Variants in CCDC149 observed in about 807,000 individuals in gnomAD.
CCDC149 encodes the protein coiled-coil domain-containing protein 149.
A neutral mutation model predicts 59.9 loss-of-function variants in CCDC149; 45 were observed. The ratio of observed to expected loss-of-function variants is 0.75; its 90% CI spans 0.59 to 0.96. The LOEUF (loss-of-function observed/expected upper bound fraction) is 0.96. Among genes scored for constraint, CCDC149 ranks in the 40% least tolerant of loss-of-function variants. CCDC149 has a pLI of 0.00. For missense variants in CCDC149, 584 were observed against 664.7 expected, an observed-to-expected ratio of 0.88 and a Z score of 1.33; for synonymous variants, 245 against 260.6, an observed-to-expected ratio of 0.94 and a Z score of 0.58.
At chr4:24,820,569 T>C (rs1333640324) in intron 11 of CCDC149, among the ~76,000 whole-genome samples, 3 of 152,180 alleles carry the variant, frequency 2.0e-5, no homozygotes, top group South Asian at 2.1e-4. Context: ...TGTGTCTTAT[T>C]TCACCATTCA....
chr4:24,948,550 G>C (rs1723188043), intron 1 of CCDC149, among the ~76,000 whole-genome samples: 1 of 152,200 alleles, frequency 6.6e-6, no homozygotes, highest in Non-Finnish European at 1.5e-5. Context: ...TTAGCCAGCA[G>C]GAGGTGCCCA....
chr4:24,953,088 A>G (rs1450294505), intron 1 of CCDC149, among the ~76,000 whole-genome samples: 1 of 152,106 alleles, frequency 6.6e-6, no homozygotes, highest in African/African-American at 2.4e-5. Context: ...CAGTAACAGA[A>G]CTTGCCCCCC....
intron 1 of CCDC149, among the ~76,000 whole-genome samples, chr4:24,931,361 G>A (rs760950413): frequency 6.2e-5 from 9 of 145,128 alleles, no homozygotes; most frequent in Admixed American, 4.1e-4. Context: ...ATGCCACAGA[G>A]CAAAATTAAG....
chr4:24,813,946 G>A lies in CCDC149; in HGVS notation c.1193-5127C>T, dbSNP rs185267905. On this transcript the variant is annotated intron_variant, in intron 12 of 12. Transcript: ENST00000635206. The stretch of plus-strand genomic sequence containing the variant: ...AACAAACATCAGTATCAACAGGGAA[G>A]AGGACTGTGGGTTTCAGCTGAGTAA... Among the ~76,000 whole-genome samples, 427 of 152,338 alleles carry A rather than the reference G, an allele frequency of 2.8e-3. 1 individual carries two copies. The highest frequency in any genetic ancestry group is 5.1e-3 in the Non-Finnish European group (344 of 68,040).
At chr4:24,894,381 A>G (rs1299935213) in intron 1 of CCDC149, among the ~76,000 whole-genome samples, 2 of 152,158 alleles carry the variant, frequency 1.3e-5, no homozygotes, top group Non-Finnish European at 2.9e-5. Context: ...GAGGGTGAAG[A>G]GAGGCAGGTT....
At chr4:24,819,386 A>G (rs993446727) in intron 12 of CCDC149, among the ~76,000 whole-genome samples, 3 of 152,044 alleles carry the variant, frequency 2.0e-5, no homozygotes, top group Non-Finnish European at 4.4e-5. Flanking sequence ...TGGTGGCACA[A>G]TCTTGGCTCA....
At chr4:24,939,913 G>A (rs148499641) in intron 1 of CCDC149, among the ~76,000 whole-genome samples, 4 of 152,172 alleles carry the variant, frequency 2.6e-5, no homozygotes, top group Admixed American at 2.6e-4. Context: ...CCAAATCTAC[G>A]TCTCATTGGC....
chr4:24,805,610 C>T (rs987995481), downstream of CCDC149, among the ~76,000 whole-genome samples: 2 of 152,150 alleles, frequency 1.3e-5, no homozygotes, highest in African/African-American at 4.8e-5. Flanking sequence ...TCTTGGTGAA[C>T]CTAAACAGAT....
chr4:24,857,767 T>C (rs1487051532), intron 3 of CCDC149, among the ~76,000 whole-genome samples: 2 of 152,174 alleles, frequency 1.3e-5, no homozygotes, highest in Non-Finnish European at 2.9e-5. Context: ...AAAATCGCAA[T>C]CCTCCAAGTG....
rs1304158895 is a variant in CCDC149, at chr4:24,821,876, CA to C, written c.1042+620del. Among the ~76,000 whole-genome samples, 5 of 151,966 alleles carry C rather than the reference CA, an allele frequency of 3.3e-5. No homozygotes were observed. The East Asian group carries it at 9.7e-4, about 29-fold the overall frequency. ...TACCAGAGCTTCCAAACACAGTGTA[CA>C]ACTGGAAAAAAAATCACAGGAAATT... On this transcript the variant is annotated intron_variant, in intron 10 of 12. Transcript: ENST00000635206.
intron 3 of CCDC149, among the ~76,000 whole-genome samples, chr4:24,855,685 C>T (rs918124246): frequency 7.2e-5 from 11 of 152,056 alleles, no homozygotes; most frequent in Non-Finnish European, 1.6e-4. Context: ...TACTCAGTAA[C>T]TCCATCGAAT....
At chr4:24,925,499 GT>G (rs1308124915) in intron 1 of CCDC149, among the ~76,000 whole-genome samples, 1 of 152,066 alleles carries the variant, frequency 6.6e-6, no homozygotes, top group Non-Finnish European at 1.5e-5. Context: ...AAACTTTGCG[GT>G]GTTTTGTTTC....
intron 1 of CCDC149, among the ~76,000 whole-genome samples, chr4:24,922,411 G>T (rs182159051): frequency 2.6e-5 from 4 of 152,238 alleles, no homozygotes; most frequent in East Asian, 3.9e-4. Flanking sequence ...GTTTGAATTG[G>T]CACTCACTCA....
At chr4:24,842,001 T>A (rs1316069350) in intron 4 of CCDC149, among the ~76,000 whole-genome samples, 1 of 152,198 alleles carries the variant, frequency 6.6e-6, no homozygotes, top group African/African-American at 2.4e-5. Flanking sequence ...CAGTGACTGA[T>A]AATATATTTA....
intron 9 of CCDC149, chr4:24,828,940 T>G (rs1715943524): frequency 6.6e-6 from 1 of 152,404 alleles, no homozygotes; most frequent in African/African-American, 2.4e-5. Flanking sequence ...TGGGTGTGTT[T>G]GCAGTGGGTA....
intron 1 of CCDC149, among the ~76,000 whole-genome samples, chr4:24,972,333 C>G (rs1371179092): frequency 2.0e-5 from 2 of 97,758 alleles, no homozygotes; most frequent in Admixed American, 2.1e-4. Flanking sequence ...TTTTTTGAGA[C>G]AAGGCTCTCT....
intron 3 of CCDC149, among the ~76,000 whole-genome samples, chr4:24,866,213 T>A (rs1408010029): frequency 6.6e-6 from 1 of 152,162 alleles, no homozygotes; most frequent in East Asian, 1.9e-4. Flanking sequence ...TTGGTGCGTG[T>A]CACTGTCTAA....
chr4:24,958,284 C>G (rs1157972247), intron 1 of CCDC149, among the ~76,000 whole-genome samples: 1 of 152,218 alleles, frequency 6.6e-6, no homozygotes, highest in African/African-American at 2.4e-5. Context: ...AGAAGACTTT[C>G]CTTTGGAAAC....
At chr4:24,844,258 C>T (rs1421606194) in intron 4 of CCDC149, among the ~76,000 whole-genome samples, 1 of 152,140 alleles carries the variant, frequency 6.6e-6, no homozygotes, top group Non-Finnish European at 1.5e-5. Flanking sequence ...CCTCCACAAC[C>T]GTGTCTGGCT....
Sources: allele counts gnomAD v4.1 joint callset (sites outside exome capture counted in the v4.1 genomes callset), GRCh38; gene constraint gnomAD v4.1.1; transcripts MANE v1.5; gene names NCBI Gene and HGNC (gene_info 2026-07-23, HGNC 2026-07-21).